The following CFAP74 variants were observed in gnomAD, a reference collection of about 807,000 sequenced individuals.
The protein encoded by CFAP74 is cilia and flagella associated protein 74, also known as cilia- and flagella-associated protein 74.
In CFAP74, 124 loss-of-function variants were observed where a neutral mutation model predicts 188.9. The observed-to-expected ratio is 0.66, with a 90% confidence interval of 0.57 to 0.76. The LOEUF is 0.76. Ranked by LOEUF, CFAP74 falls within the 30% of genes least tolerant of loss-of-function variation. The pLI is 0.00. For missense variants in CFAP74, 2,198 were observed against 2,165.2 expected, an observed-to-expected ratio of 1.02 and a Z score of -0.30; for synonymous variants, 956 against 916.7, an observed-to-expected ratio of 1.04 and a Z score of -0.77.
intron 6 of CFAP74, among the ~76,000 whole-genome samples, chr1:1,976,346 T>C (rs949002958): frequency 6.6e-6 from 1 of 151,956 alleles, no homozygotes; most frequent in Non-Finnish European, 1.5e-5. Context: ...GACGAGTGAG[T>C]TCACGGAAGA....
In CFAP74 at chr1:1,940,544, C is replaced by T. The variant is rs922359385; in HGVS notation, c.2616-141G>A. ...ATCAGCGCTGGGAGACGCATCGCGCCGCCCTCCTGCTCTCGCACAGAACCC... is the reference window on the plus strand; with the variant it reads ...ATCAGCGCTGGGAGACGCATCGCGCTGCCCTCCTGCTCTCGCACAGAACCC... On this transcript the variant is annotated intron_variant, in intron 22 of 38. Transcript: ENST00000682832. The T allele has an allele frequency of 3.4e-5, 21 of 610,132 alleles. No individual in the cohort carries two copies. The East Asian group carries it at 4.9e-4, about 14-fold the overall frequency. 37.8% of individuals were successfully genotyped at this position (610,132 alleles called of 1,614,324 possible). A position where few individuals can be genotyped will look rare whatever the true frequency, so the allele number is the denominator to read the frequency against.
intron 18 of CFAP74, chr1:1,955,015 G>GACAGGAAGTGCGGCTCAC (rs1654457006): frequency 1.5e-5 from 15 of 980,646 alleles, no homozygotes; most frequent in Non-Finnish European, 1.9e-5. Flanking sequence ...CAGTGGTGAG[G>GACAGGAAGTGCGGCTCAC]ACAGGAAGTG....
chr1:1,986,344 T>A (rs1657234795), intron 5 of CFAP74, among the ~76,000 whole-genome samples: 1 of 152,124 alleles, frequency 6.6e-6, no homozygotes, highest in Non-Finnish European at 1.5e-5. Context: ...CCGAAGCCCC[T>A]CACCCCCCAG....
In CFAP74 at chr1:1,926,769, AG is replaced by A. The variant is rs1339313082; in HGVS notation, c.3663-9del. On this transcript the variant is annotated splice_polypyrimidine_tract_variant and intron_variant, in intron 29 of 38. Transcript: ENST00000682832. ...TACAGGGTGTTGTGGGGGCTGGGATAGGAAGGGCATGCTGAGGGCAGGGTGG... is the reference window on the plus strand; with the variant it reads ...TACAGGGTGTTGTGGGGGCTGGGATAGAAGGGCATGCTGAGGGCAGGGTGG... 3 of 1,549,128 alleles carry A rather than the reference AG, an allele frequency of 1.9e-6. No homozygotes were observed. Among genetic ancestry groups the A allele is most frequent in the Admixed American group, 3.9e-5 (2 of 50,954 alleles).
intron 22 of CFAP74, among the ~76,000 whole-genome samples, chr1:1,941,455 G>A (rs1312764724): frequency 6.6e-6 from 1 of 152,232 alleles, no homozygotes; most frequent in Non-Finnish European, 1.5e-5. Flanking sequence ...CAGAGACCAG[G>A]GGATGCAGCC....
chr1:1,954,918 C>A, intron 18 of CFAP74: 1 of 1,186,642 alleles, frequency 8.4e-7, no homozygotes, highest in Non-Finnish European at 1.1e-6. Context: ...GCCTTCGCAA[C>A]AGTGTGTACC....
chr1:1,947,814 T>C (rs150235081), intron 18 of CFAP74, among the ~76,000 whole-genome samples: 19 of 152,212 alleles, frequency 1.2e-4, no homozygotes, highest in South Asian at 6.2e-4. Context: ...GGTGGCGACT[T>C]TGAAGCACCA....
At chr1:1,928,682 C>CT in intron 27 of CFAP74, 102 bp downstream of exon 27, 1 of 811,690 alleles carries the variant, frequency 1.2e-6, no homozygotes, top group Admixed American at 2.3e-5. Context: ...CCCTGTGCTC[C>CT]CGGCACGTGG....
intron 14 of CFAP74, among the ~76,000 whole-genome samples, chr1:1,962,648 G>A (rs1655174764): frequency 6.6e-6 from 1 of 152,156 alleles, no homozygotes; most frequent in Non-Finnish European, 1.5e-5. Context: ...ACTTGGGGAG[G>A]CTGAGGCAGG....
In CFAP74 at chr1:1,947,068, G is replaced by A; in HGVS notation, c.2177-14C>T. ...ATCTCTCTGGTTCTGGAAGAGAAGG[G>A]GGATCCAGAGGTGAGGGTTGGCAGG... On this transcript the variant is annotated splice_polypyrimidine_tract_variant and intron_variant, in intron 18 of 38. Coordinates refer to ENST00000682832, the MANE Select transcript of CFAP74 (RefSeq NM_001304360.2). 1 of 1,531,776 alleles carries A rather than the reference G, an allele frequency of 6.5e-7. No homozygotes were observed. Among genetic ancestry groups the A allele is most frequent in the Non-Finnish European group, 8.7e-7 (1 of 1,142,884 alleles). 94.9% of individuals were successfully genotyped at this position (1,531,776 alleles called of 1,614,324 possible).
intron 25 of CFAP74, among the ~76,000 whole-genome samples, chr1:1,931,454 AG>A (rs1652367630): frequency 7.4e-6 from 1 of 134,726 alleles, no homozygotes; most frequent in African/African-American, 2.9e-5. Context: ...AAAAAAAAAA[AG>A]TTCGGGCACA....
chr1:1,982,218 C>T (rs1304712186), intron 6 of CFAP74, among the ~76,000 whole-genome samples: 2 of 141,882 alleles, frequency 1.4e-5, no homozygotes, highest in Non-Finnish European at 1.5e-5. Context: ...CGTGGTCACA[C>T]GCGGGGACAC....
chr1:1,966,536 G>A lies in CFAP74; in HGVS notation c.1246-10C>T. 2.6e-6 allele frequency: 4 copies of A among 1,527,286 alleles called. No homozygotes were observed. The highest frequency in any genetic ancestry group is 3.5e-6 in the Non-Finnish European group (4 of 1,133,674). 94.6% of individuals were successfully genotyped at this position (1,527,286 alleles called of 1,614,324 possible). ...CAGCAGCCTCGTAGTCCTGCAGTCG[G>A]GGAGAGGAACATCGCAAAGACACGC... On this transcript the variant is annotated splice_polypyrimidine_tract_variant and intron_variant, in intron 11 of 38. Coordinates refer to ENST00000682832, the MANE Select transcript of CFAP74 (RefSeq NM_001304360.2).
intron 21 of CFAP74, among the ~76,000 whole-genome samples, chr1:1,943,648 C>T (rs1487372415): frequency 6.6e-6 from 1 of 152,258 alleles, no homozygotes; most frequent in Non-Finnish European, 1.5e-5. Context: ...GAGGCTTCCT[C>T]CTCCAGGCTC....
rs1387726822 is a variant in CFAP74, at chr1:1,956,722, C to T, written c.1914G>A (p.Arg638=). The change falls in exon 17 of 39, where the codon CGG becomes CGA. Residue 638 remains arginine, a synonymous_variant. Transcript: ENST00000682832. Reference sequence around the variant, plus strand: ...CCCCAACGTTGGTCAGCGTGATGGTCCGAGACGTGGTCTCTCCTACCACGT... The same window carrying T: ...CCCCAACGTTGGTCAGCGTGATGGTTCGAGACGTGGTCTCTCCTACCACGT... ...GSYVVGETTS[R]TITLTNVGGL... The T allele has an allele frequency of 6.2e-7, 1 of 1,613,834 alleles. No individual in the cohort carries two copies. The highest frequency in any genetic ancestry group is 8.5e-7 in the Non-Finnish European group (1 of 1,179,944).
chr1:1,981,307 C>T (rs1386764473), intron 6 of CFAP74, among the ~76,000 whole-genome samples: 4 of 152,216 alleles, frequency 2.6e-5, no homozygotes, highest in African/African-American at 9.6e-5. Flanking sequence ...GCCACGGAGA[C>T]CTTGACTGCG....
intron 22 of CFAP74, among the ~76,000 whole-genome samples, chr1:1,940,761 A>C (rs560702254): frequency 4.3e-4 from 66 of 152,346 alleles, no homozygotes; most frequent in African/African-American, 1.5e-3. Context: ...TTAAAAATGC[A>C]TTTTCACTTT....
intron 15 of CFAP74, 98 bp downstream of exon 15, chr1:1,959,866 G>T: frequency 1.9e-6 from 2 of 1,037,758 alleles, no homozygotes; most frequent in South Asian, 1.7e-5. Flanking sequence ...GAGGCCAAGT[G>T]CATCCTTCCC....
At chr1:1,996,007 CAG>C (rs1657896769) in intron 1 of CFAP74, among the ~76,000 whole-genome samples, 2 of 152,030 alleles carry the variant, frequency 1.3e-5, no homozygotes, top group African/African-American at 4.8e-5. Flanking sequence ...TTTTTTGAGG[CAG>C]AGTCTCACTC....
Sources: allele counts gnomAD v4.1 joint callset (sites outside exome capture counted in the v4.1 genomes callset), GRCh38; gene constraint gnomAD v4.1.1; transcripts MANE v1.5; gene names NCBI Gene and HGNC (gene_info 2026-07-23, HGNC 2026-07-21).